Variants in USH2A observed in about 807,000 individuals in gnomAD.
The protein encoded by USH2A is usherin, also known as Usher syndrome 2A (autosomal recessive, mild).
A neutral mutation model predicts 538.9 loss-of-function variants in USH2A; 443 were observed. The observed-to-expected ratio is 0.82, with a 90% CI of 0.76 to 0.89. The LOEUF (loss-of-function observed/expected upper bound fraction) is 0.89. USH2A is among the 40% of genes least tolerant of loss of function. The pLI, the probability that USH2A is intolerant of heterozygous loss-of-function variation, is 0.00. For synonymous variants in USH2A, 2,413 were observed against 2,273.5 expected, an observed-to-expected ratio of 1.06 and a Z score of -1.75; for missense variants, 6,633 against 6,324.8, an observed-to-expected ratio of 1.05 and a Z score of -1.65.
chr1:216,322,858 C>G (rs1033105042), intron 8 of USH2A, among the ~76,000 whole-genome samples: 2 of 152,020 alleles, frequency 1.3e-5, no homozygotes, highest in African/African-American at 4.8e-5. Flanking sequence ...TAAATATACT[C>G]TATATGTACA....
chr1:216,178,065 C>T (rs1243930324), intron 20 of USH2A, among the ~76,000 whole-genome samples: 2 of 152,076 alleles, frequency 1.3e-5, no homozygotes, highest in South Asian at 2.1e-4. Context: ...GGAAATTCAC[C>T]GTAAAGCAGC....
chr1:215,970,872 T>C lies in USH2A; in HGVS notation c.6806-96A>G, dbSNP rs564836456. ...ACTCTTGATGTGATTTCTAGTTTCATGGAATCATTAAATCACAGACTCTGG... is the reference window on the plus strand; with the variant it reads ...ACTCTTGATGTGATTTCTAGTTTCACGGAATCATTAAATCACAGACTCTGG... On this transcript the variant is annotated intron_variant, in intron 35 of 71. Coordinates refer to ENST00000307340, the MANE Select transcript of USH2A (RefSeq NM_206933.4). 626 of 1,261,116 alleles carry C rather than the reference T, an allele frequency of 5.0e-4. 3 individuals carry two copies. The Middle Eastern group carries it at 6.0e-3, about 12-fold the overall frequency. 78.1% of individuals were successfully genotyped at this position (1,261,116 alleles called of 1,614,324 possible). A position where few individuals can be genotyped will look rare whatever the true frequency, so the allele number is the denominator to read the frequency against.
intron 37 of USH2A, among the ~76,000 whole-genome samples, chr1:215,953,600 C>A (rs1245517342): frequency 1.3e-5 from 2 of 151,850 alleles, no homozygotes; most frequent in East Asian, 1.9e-4. Context: ...GACCTAAAAC[C>A]ATAAAAACCC....
intron 62 of USH2A, among the ~76,000 whole-genome samples, chr1:215,676,779 A>ACC (rs35151998): frequency 2.0e-5 from 3 of 151,652 alleles, no homozygotes; most frequent in East Asian, 3.9e-4. Context: ...AGCCTCTGTG[A>ACC]CCCCCCAAGC....
chr1:216,165,138 T>C (rs969782379), intron 21 of USH2A, among the ~76,000 whole-genome samples: 2 of 152,190 alleles, frequency 1.3e-5, no homozygotes. Flanking sequence ...TCCATAGCAT[T>C]GATCACTGTT....
chr1:215,634,792 A>T, intron 69 of USH2A, 89 bp from the exon 70 acceptor site: 1 of 1,604,848 alleles, frequency 6.2e-7, no homozygotes, highest in Non-Finnish European at 8.5e-7. Context: ...TAAATTAGAG[A>T]GGAGTTGAAA....
rs575953231 is a variant in USH2A, at chr1:215,637,618, C to T, written c.15052+1537G>A. Reference sequence around the variant, plus strand: ...ACCACTGCTATTAAATGAAATAAGCCGTATGAGAAGAATTAAGTGTTGTAG... The same window carrying T: ...ACCACTGCTATTAAATGAAATAAGCTGTATGAGAAGAATTAAGTGTTGTAG... On this transcript the variant is annotated intron_variant, in intron 69 of 71. Coordinates refer to ENST00000307340, the MANE Select transcript of USH2A (RefSeq NM_206933.4). Among the ~76,000 whole-genome samples, 6 of 152,062 alleles carry T rather than the reference C, an allele frequency of 3.9e-5. No individual in the cohort carries two copies. In the South Asian group the frequency reaches 6.2e-4, roughly 16 times the overall value.
chr1:216,030,360 T>C (rs1204067070), intron 32 of USH2A, among the ~76,000 whole-genome samples: 1 of 133,464 alleles, frequency 7.5e-6, no homozygotes, highest in Admixed American at 7.9e-5. Flanking sequence ...ATCACAGATA[T>C]ATAATATATA....
chr1:216,186,871 G>T (rs1182274351), intron 20 of USH2A, among the ~76,000 whole-genome samples: 1 of 151,794 alleles, frequency 6.6e-6, no homozygotes, highest in African/African-American at 2.4e-5. Context: ...CTTCCTTGAA[G>T]TCACTCCATT....
At chr1:216,317,560 G>T (rs1032689004) in intron 9 of USH2A, among the ~76,000 whole-genome samples, 1 of 151,866 alleles carries the variant, frequency 6.6e-6, no homozygotes, top group Non-Finnish European at 1.5e-5. Flanking sequence ...TAAAATAAAA[G>T]TTGAGGGCCA....
chr1:215,628,811 C>T lies in USH2A; in HGVS notation c.15519+3G>A. The T allele has an allele frequency of 1.2e-6, 2 of 1,614,072 alleles. No individual in the cohort carries two copies. The highest frequency in any genetic ancestry group is 8.5e-7 in the Non-Finnish European group (1 of 1,179,954). On this transcript the variant is annotated splice_donor_region_variant and intron_variant, in intron 71 of 71. Coordinates refer to ENST00000307340, the MANE Select transcript of USH2A (RefSeq NM_206933.4). ...AAGGCCCTGTATGAGGAAACCAACT[C>T]ACCAGTCCACTGTTGTGGCCCATGA...
chr1:215,913,826 C>A (rs1240349685), intron 38 of USH2A, among the ~76,000 whole-genome samples: 6 of 151,888 alleles, frequency 4.0e-5, no homozygotes, highest in Admixed American at 6.6e-5. Context: ...ATTACACTCA[C>A]TTCTGGGAGC....
intron 52 of USH2A, among the ~76,000 whole-genome samples, chr1:215,785,021 G>T (rs116143009): frequency 2.6e-5 from 4 of 152,170 alleles, no homozygotes; most frequent in Non-Finnish European, 5.9e-5. Context: ...ACAATAGAAG[G>T]TTGGACAAAT....
At chr1:215,679,937 T>C (rs1658168521) in intron 62 of USH2A, among the ~76,000 whole-genome samples, 1 of 152,184 alleles carries the variant, frequency 6.6e-6, no homozygotes, top group Non-Finnish European at 1.5e-5. Context: ...AGATAATCCA[T>C]GGAGAGCATT....
chr1:215,655,685 T>C (rs1461453630), intron 64 of USH2A, among the ~76,000 whole-genome samples: 2 of 151,248 alleles, frequency 1.3e-5, no homozygotes, highest in East Asian at 2.0e-4. Flanking sequence ...TCTCCAAGAA[T>C]GGTGACCCTT....
intron 19 of USH2A, among the ~76,000 whole-genome samples, chr1:216,194,989 C>T (rs2034806770): frequency 6.6e-6 from 1 of 152,088 alleles, no homozygotes; most frequent in Non-Finnish European, 1.5e-5. Context: ...AAGAGAATCA[C>T]AGGGCAGATA....
intron 13 of USH2A, among the ~76,000 whole-genome samples, chr1:216,237,743 T>C (rs1437338675): frequency 6.6e-6 from 1 of 152,186 alleles, no homozygotes; most frequent in Non-Finnish European, 1.5e-5. Flanking sequence ...GTAAACATTA[T>C]CTATTATCAT....
intron 3 of USH2A, among the ~76,000 whole-genome samples, chr1:216,366,417 T>C (rs13376571): frequency 0.018 from 2,770 of 152,184 alleles, 91 homozygotes; most frequent in African/African-American, 0.061. Context: ...ACAGCATGTT[T>C]GGGAGATCTC....
intron 9 of USH2A, among the ~76,000 whole-genome samples, chr1:216,309,760 G>A (rs1458375117): frequency 1.3e-5 from 2 of 152,042 alleles, no homozygotes; most frequent in East Asian, 1.9e-4. Context: ...ATGAATGGAT[G>A]CTTGATTTTG....
Sources: gnomAD v4.1 joint callset for allele counts (sites outside exome capture counted in the v4.1 genomes callset) on GRCh38, gnomAD v4.1.1 for gene constraint, MANE v1.5 for transcripts, NCBI Gene and HGNC (gene_info 2026-07-23, HGNC 2026-07-21) for gene names.